The following NDUFS4 variants were observed in gnomAD, a reference collection of about 807,000 sequenced individuals.
NDUFS4 encodes the protein NADH dehydrogenase [ubiquinone] iron-sulfur protein 4, mitochondrial.
Under a neutral mutation model 24.3 loss-of-function variants are expected in NDUFS4, and 28 were observed. The observed-to-expected ratio is 1.15, with a 90% CI of 0.85 to 1.58. The LOEUF (loss-of-function observed/expected upper bound fraction) is 1.58. Among genes scored for constraint, NDUFS4 ranks in the 40% most tolerant of loss-of-function variants. NDUFS4 has a pLI of 0.00. For missense variants in NDUFS4, 223 were observed against 207.9 expected (o/e 1.07, Z -0.45); for synonymous variants, 93 against 69.7 (o/e 1.34, Z -1.67).
chr5:53,593,099 T>A, intron 1 of NDUFS4, among the ~76,000 whole-genome samples: 1 of 152,108 alleles, frequency 6.6e-6, no homozygotes, highest in East Asian at 1.9e-4. Flanking sequence ...CTAGAAGAGA[T>A]TGTAGAGATT....
chr5:53,629,970 C>T (rs994466053), intron 2 of NDUFS4, among the ~76,000 whole-genome samples: 3 of 152,132 alleles, frequency 2.0e-5, no homozygotes, highest in Admixed American at 6.6e-5. Context: ...TTCTTCATAG[C>T]GCTGATGGTC....
At chr5:53,614,283 TA>T (rs1376786785) in intron 2 of NDUFS4, among the ~76,000 whole-genome samples, 2 of 151,960 alleles carry the variant, frequency 1.3e-5, no homozygotes, top group Non-Finnish European at 2.9e-5. Context: ...ATTGAAATGC[TA>T]TTTTTATGTA....
chr5:53,593,784 TC>T (rs1561349492), intron 1 of NDUFS4, among the ~76,000 whole-genome samples: 1 of 152,112 alleles, frequency 6.6e-6, no homozygotes, highest in Non-Finnish European at 1.5e-5. Context: ...TTAAAATTTT[TC>T]TTGAGACTTT....
intron 4 of NDUFS4, among the ~76,000 whole-genome samples, chr5:53,682,097 A>T (rs1404957259): frequency 6.6e-6 from 1 of 152,148 alleles, no homozygotes; most frequent in East Asian, 1.9e-4. Flanking sequence ...CTGAGAGAAG[A>T]ATAAATTACA....
intron 4 of NDUFS4, among the ~76,000 whole-genome samples, chr5:53,680,488 T>C (rs1038870714): frequency 2.0e-5 from 3 of 152,214 alleles, no homozygotes; most frequent in African/African-American, 4.8e-5. Flanking sequence ...GTGGCACATA[T>C]ACACCATGGA....
chr5:53,575,332 T>G (rs914456217), intron 1 of NDUFS4, among the ~76,000 whole-genome samples: 3 of 152,080 alleles, frequency 2.0e-5, no homozygotes, highest in African/African-American at 7.2e-5. Context: ...AGCTGCTCCA[T>G]GCATCCTTTC....
At chr5:53,680,313 AC>A (rs1295001383) in intron 4 of NDUFS4, among the ~76,000 whole-genome samples, 16 of 152,160 alleles carry the variant, frequency 1.1e-4, no homozygotes, top group Admixed American at 5.9e-4. Context: ...AACTAGAAAT[AC>A]CATTTGACCC....
chr5:53,654,843 A>G (rs1752118577), intron 3 of NDUFS4, among the ~76,000 whole-genome samples: 1 of 152,158 alleles, frequency 6.6e-6, no homozygotes, highest in Non-Finnish European at 1.5e-5. Flanking sequence ...CATTGTATTG[A>G]TACTTAGATC....
rs146355872 is a variant in NDUFS4 at position 53,674,622 on chromosome 5, A to T, written c.425-8496A>T. ...ACTCCACTAGCCTTAAAAAATAATT[A>T]AAAAAATAAGAGATCTGGATATCTA... On this transcript the variant is annotated intron_variant, in intron 4 of 4. Coordinates refer to ENST00000296684, the MANE Select transcript of NDUFS4 (RefSeq NM_002495.4). Among the ~76,000 whole-genome samples the T allele has an allele frequency of 1.5e-3, 233 of 152,258 alleles. 1 individual carries two copies. The highest frequency in any genetic ancestry group is 5.0e-3 in the African/African-American group (207 of 41,558).
At chr5:53,621,903 T>C (rs256119) in intron 2 of NDUFS4, among the ~76,000 whole-genome samples, 30,708 of 151,384 alleles carry the variant, frequency 0.2, 3,624 homozygotes, top group East Asian at 0.46. Context: ...GGTTTCACCG[T>C]GTTAGCCAGG....
At chr5:53,625,702 C>T (rs1356719097) in intron 2 of NDUFS4, among the ~76,000 whole-genome samples, 1 of 151,834 alleles carries the variant, frequency 6.6e-6, no homozygotes, top group South Asian at 2.1e-4. Context: ...CTATTTAGTT[C>T]TTTAATATAG....
intron 1 of NDUFS4, among the ~76,000 whole-genome samples, chr5:53,592,288 A>G (rs2112443334): frequency 6.6e-6 from 1 of 152,268 alleles, no homozygotes; most frequent in Admixed American, 6.5e-5. Flanking sequence ...TATTGTAGAT[A>G]AAGTTTCTTA....
chr5:53,580,120 T>C (rs1453788816), intron 1 of NDUFS4, among the ~76,000 whole-genome samples: 1 of 152,196 alleles, frequency 6.6e-6, no homozygotes, highest in East Asian at 1.9e-4. Context: ...ACTAATATAC[T>C]CTCCCTGTGT....
intron 2 of NDUFS4, among the ~76,000 whole-genome samples, chr5:53,609,536 C>T (rs1341381375): frequency 6.6e-6 from 1 of 152,074 alleles, no homozygotes; most frequent in Admixed American, 6.6e-5. Flanking sequence ...CTTAAGGGCC[C>T]TAGGGTTTTC....
At chr5:53,677,109 T>C (rs1579947768) in intron 4 of NDUFS4, among the ~76,000 whole-genome samples, 2 of 152,210 alleles carry the variant, frequency 1.3e-5, no homozygotes, top group African/African-American at 4.8e-5. Flanking sequence ...TTTTCAGATA[T>C]ACTTTTGGAA....
intron 3 of NDUFS4, among the ~76,000 whole-genome samples, chr5:53,647,071 ATATATAT>A (rs1471388315): frequency 6.6e-6 from 1 of 151,268 alleles, no homozygotes; most frequent in Non-Finnish European, 1.5e-5. Context: ...CTTCTTTGTA[ATATATAT>A]TATATATATA....
intron 1 of NDUFS4, among the ~76,000 whole-genome samples, chr5:53,576,796 G>A (rs565068671): frequency 2.6e-5 from 4 of 152,274 alleles, no homozygotes; most frequent in East Asian, 3.9e-4. Flanking sequence ...GTTTGTGTAT[G>A]TTTTATGGGT....
intron 2 of NDUFS4, among the ~76,000 whole-genome samples, chr5:53,610,837 A>G (rs1750671036): frequency 6.6e-6 from 1 of 152,154 alleles, no homozygotes; most frequent in African/African-American, 2.4e-5. Flanking sequence ...AATTTTTCAT[A>G]CTACAGATGT....
intron 1 of NDUFS4, among the ~76,000 whole-genome samples, chr5:53,589,708 G>C (rs1163156609): frequency 1.3e-5 from 2 of 152,158 alleles, no homozygotes; most frequent in African/African-American, 4.8e-5. Flanking sequence ...TGAGTCAGTG[G>C]GCTGGGAAAG....
Sources: allele counts gnomAD v4.1 joint callset (sites outside exome capture counted in the v4.1 genomes callset), GRCh38; gene constraint gnomAD v4.1.1; transcripts MANE v1.5; gene names NCBI Gene and HGNC (gene_info 2026-07-23, HGNC 2026-07-21).